FGF1: variants seen among roughly 807,000 people sequenced by gnomAD.
FGF1 encodes the protein fibroblast growth factor 1.
FGF1 carries 9 observed loss-of-function variants against 13.4 expected under a neutral mutation model. That is an observed-to-expected ratio of 0.67 (90% confidence interval 0.40 to 1.17). The LOEUF (loss-of-function observed/expected upper bound fraction) is 1.17, where lower values mean the gene tolerates loss of function less well. FGF1 is among the 50% of genes most tolerant of loss of function. The pLI is 0.01. For missense variants in FGF1, 156 were observed against 192.7 expected, an observed-to-expected ratio of 0.81 and a Z score of 1.13; for synonymous variants, 93 against 79.0, an observed-to-expected ratio of 1.18 and a Z score of -0.94.
At chr5:142,675,144 C>T (rs72796614) in intron 1 of FGF1, among the ~76,000 whole-genome samples, 3 of 152,340 alleles carry the variant, frequency 2.0e-5, no homozygotes, top group Non-Finnish European at 4.4e-5. Context: ...TGGATCCACC[C>T]TGAACCAGCT....
At chr5:142,606,214 C>CTG (rs1283591761) in intron 2 of FGF1, among the ~76,000 whole-genome samples, 4 of 71,034 alleles carry the variant, frequency 5.6e-5, no homozygotes, top group African/African-American at 2.1e-4. Flanking sequence ...CATTCTTTCT[C>CTG]TCTCTGTGTG....
At chr5:142,610,521 C>T (rs776431998) in intron 2 of FGF1, among the ~76,000 whole-genome samples, 5 of 152,182 alleles carry the variant, frequency 3.3e-5, no homozygotes, top group African/African-American at 4.8e-5. Flanking sequence ...CTTCCAGGAC[C>T]TCCCCCTCTC....
intron 1 of FGF1, among the ~76,000 whole-genome samples, chr5:142,640,369 G>A (rs1018974646): frequency 6.9e-6 from 1 of 144,500 alleles, no homozygotes; most frequent in Non-Finnish European, 1.5e-5. Context: ...GTATCTCCTG[G>A]TAGAAAGGAG....
At chr5:142,685,616 G>A (rs1370264583) in intron 1 of FGF1, 5 of 152,156 alleles carry the variant, frequency 3.3e-5, no homozygotes, top group African/African-American at 7.2e-5. Context: ...AGTGTCAGGC[G>A]GGCACTGGAG....
intron 1 of FGF1, among the ~76,000 whole-genome samples, chr5:142,625,322 A>G (rs2151910681): frequency 1.6e-5 from 1 of 60,616 alleles, no homozygotes; most frequent in African/African-American, 8.2e-5. Flanking sequence ...GGACACACAC[A>G]CACACACACA....
At chr5:142,623,116 T>C (rs561447581) in intron 1 of FGF1, among the ~76,000 whole-genome samples, 19 of 152,328 alleles carry the variant, frequency 1.2e-4, no homozygotes, top group South Asian at 4.1e-4. Context: ...TCCTTTTTTT[T>C]CCCCTCTGAT....
intron 1 of FGF1, among the ~76,000 whole-genome samples, chr5:142,616,663 T>A (rs930884545): frequency 3.4e-4 from 52 of 152,104 alleles, no homozygotes; most frequent in Admixed American, 3.3e-3. Context: ...TGTCTCTTCC[T>A]GTCTCTCCAC....
chr5:142,656,650 A>G (rs762867095), intron 1 of FGF1, among the ~76,000 whole-genome samples: 4 of 152,244 alleles, frequency 2.6e-5, no homozygotes, highest in Non-Finnish European at 5.9e-5. Flanking sequence ...TTCAGAATGG[A>G]GTGATAAAAT....
chr5:142,660,945 G>A (rs1769109562), intron 1 of FGF1, among the ~76,000 whole-genome samples: 1 of 152,136 alleles, frequency 6.6e-6, no homozygotes, highest in Non-Finnish European at 1.5e-5. Context: ...AGGACTCCTG[G>A]CCCAGGCTCT....
intron 1 of FGF1, among the ~76,000 whole-genome samples, chr5:142,629,650 A>G (rs1763008874): frequency 6.6e-6 from 1 of 151,758 alleles, no homozygotes; most frequent in Non-Finnish European, 1.5e-5. Flanking sequence ...TTTACTTGTT[A>G]TTGTCTGTCT....
chr5:142,659,065 G>A (rs1768686279), intron 1 of FGF1, among the ~76,000 whole-genome samples: 1 of 152,130 alleles, frequency 6.6e-6, no homozygotes, highest in South Asian at 2.1e-4. Context: ...TGTGTTGGGG[G>A]AAGAATGTCT....
At chr5:142,606,963 A>G (rs1757817487) in intron 2 of FGF1, among the ~76,000 whole-genome samples, 1 of 152,212 alleles carries the variant, frequency 6.6e-6, no homozygotes. Flanking sequence ...TGTATTTTAC[A>G]AAATTTTCAT....
intron 1 of FGF1, among the ~76,000 whole-genome samples, chr5:142,663,249 GAA>G (rs60474431): frequency 7.2e-6 from 1 of 138,710 alleles, no homozygotes. Context: ...AATCAGGAAA[GAA>G]AAAAAAAAAA....
At chr5:142,619,039 A>C (rs1315508743) in intron 1 of FGF1, among the ~76,000 whole-genome samples, 2 of 138,738 alleles carry the variant, frequency 1.4e-5, no homozygotes, top group Admixed American at 8.6e-5. Context: ...GGTTCACGCC[A>C]TTCTCCTGCC....
chr5:142,625,333 C>T (rs1378957688), intron 1 of FGF1, among the ~76,000 whole-genome samples: 1 of 151,826 alleles, frequency 6.6e-6, no homozygotes, highest in African/African-American at 2.4e-5. Context: ...CACACACACA[C>T]ACACACACAC....
intron 2 of FGF1, among the ~76,000 whole-genome samples, chr5:142,605,222 T>G (rs1757387300): frequency 6.6e-6 from 1 of 151,508 alleles, no homozygotes; most frequent in Non-Finnish European, 1.5e-5. Context: ...TTCTCCTGTC[T>G]CAGCTTCCCA....
intron 1 of FGF1, among the ~76,000 whole-genome samples, chr5:142,667,250 C>T (rs1770567262): frequency 6.6e-6 from 1 of 151,436 alleles, no homozygotes. Context: ...TGCCACTGTA[C>T]TCCAGCCTGG....
intron 1 of FGF1, among the ~76,000 whole-genome samples, chr5:142,626,220 C>T (rs568267134): frequency 1.1e-4 from 16 of 152,260 alleles, no homozygotes; most frequent in Non-Finnish European, 1.6e-4. Flanking sequence ...GTGCAATCAC[C>T]TACCCTAGCC....
At chr5:142,655,466 C>T (rs1357689470) in intron 1 of FGF1, among the ~76,000 whole-genome samples, 1 of 152,164 alleles carries the variant, frequency 6.6e-6, no homozygotes, top group East Asian at 1.9e-4. Context: ...TCAATCTCAG[C>T]CATACTTTGC....
Sources: allele counts gnomAD v4.1 joint callset (sites outside exome capture counted in the v4.1 genomes callset), GRCh38; gene constraint gnomAD v4.1.1; transcripts MANE v1.5; gene names NCBI Gene and HGNC (gene_info 2026-07-23, HGNC 2026-07-21).